SLC71A1: variants seen among roughly 807,000 people sequenced by gnomAD.
SLC71A1 encodes the protein hippocampus abundant gene transcript 1.
the SLC71A1 span, among the ~76,000 whole-genome samples, chr1:100,081,303 C>G: frequency 3.9e-5 from 6 of 152,150 alleles, no homozygotes; most frequent in African/African-American, 1.4e-4. Flanking sequence ...ATTATAATTA[C>G]CTTCTTGAAA....
the SLC71A1 span, chr1:100,038,147 C>G: frequency 1.8e-5 from 22 of 1,225,234 alleles, no homozygotes; most frequent in South Asian, 1.6e-4. Flanking sequence ...CGGCTCGGCC[C>G]GGCAGTAGTG....
At chr1:100,060,318 AG>A in the SLC71A1 span, among the ~76,000 whole-genome samples, 2 of 152,212 alleles carry the variant, frequency 1.3e-5, no homozygotes, top group Non-Finnish European at 2.9e-5. Flanking sequence ...TTTCTTGTAT[AG>A]AATGTTAAAA....
At chr1:100,080,710 A>C in the SLC71A1 span, 1 of 1,510,180 alleles carries the variant, frequency 6.6e-7, no homozygotes, top group Non-Finnish European at 9.0e-7. Flanking sequence ...GGCTAGATTA[A>C]AGGCTACTGG....
the SLC71A1 span, among the ~76,000 whole-genome samples, chr1:100,040,290 G>A: frequency 6.6e-6 from 1 of 150,662 alleles, no homozygotes; most frequent in African/African-American, 2.5e-5. Context: ...CGTAATCAGA[G>A]GATATATTTC....
At chr1:100,038,386 C>G in the SLC71A1 span, 1 of 1,271,822 alleles carries the variant, frequency 7.9e-7, no homozygotes, top group Non-Finnish European at 1.1e-6. Context: ...GACCCCCACA[C>G]TGCCGTCTCT....
At chr1:100,068,650 T>A in the SLC71A1 span, 1 of 952,184 alleles carries the variant, frequency 1.1e-6, no homozygotes, top group Non-Finnish European at 1.7e-6. Context: ...TAAAAATATT[T>A]AATCTTGAGA....
the SLC71A1 span, chr1:100,082,004 A>G: frequency 6.2e-7 from 1 of 1,610,466 alleles, no homozygotes; most frequent in Non-Finnish European, 8.5e-7. Flanking sequence ...CTTCCTCAGA[A>G]TTCCATCATC....
At chr1:100,071,423 G>T in the SLC71A1 span, among the ~76,000 whole-genome samples, 1 of 151,658 alleles carries the variant, frequency 6.6e-6, no homozygotes, top group Non-Finnish European at 1.5e-5. Flanking sequence ...GTGAGCCACA[G>T]TTGTCCCATG....
At chr1:100,061,395 T>A in the SLC71A1 span, among the ~76,000 whole-genome samples, 4 of 152,210 alleles carry the variant, frequency 2.6e-5, no homozygotes, top group Admixed American at 1.3e-4. Flanking sequence ...ATGGAAAACA[T>A]TTAGTTACTA....
chr1:100,076,398 T>C, the SLC71A1 span, among the ~76,000 whole-genome samples: 1 of 152,220 alleles, frequency 6.6e-6, no homozygotes, highest in African/African-American at 2.4e-5. Context: ...TGCTGAACTT[T>C]GTTGACTTTG....
At chr1:100,040,074 G>A in the SLC71A1 span, among the ~76,000 whole-genome samples, 26 of 152,210 alleles carry the variant, frequency 1.7e-4, no homozygotes, top group South Asian at 1.0e-3. Flanking sequence ...TGAACATGGG[G>A]GCTATTATCA....
chr1:100,044,818 A>G, the SLC71A1 span, among the ~76,000 whole-genome samples: 4 of 151,742 alleles, frequency 2.6e-5, no homozygotes, highest in Non-Finnish European at 5.9e-5. Context: ...GGCTATAAGT[A>G]TTTTGCTTTA....
At chr1:100,050,944 G>A in the SLC71A1 span, among the ~76,000 whole-genome samples, 1 of 151,996 alleles carries the variant, frequency 6.6e-6, no homozygotes, top group Admixed American at 6.6e-5. Context: ...AATTAGTTGT[G>A]CATGGTGGCA....
chr1:100,056,426 A>C, the SLC71A1 span, among the ~76,000 whole-genome samples: 1 of 152,270 alleles, frequency 6.6e-6, no homozygotes, highest in South Asian at 2.1e-4. Context: ...GTTGCTTCCA[A>C]ATCTTAGCTA....
chr1:100,056,760 C>T, the SLC71A1 span, among the ~76,000 whole-genome samples: 4 of 152,100 alleles, frequency 2.6e-5, no homozygotes, highest in South Asian at 2.1e-4. Context: ...TTTTGAGGAG[C>T]CTTCCAACTG....
At chr1:100,047,189 G>C in the SLC71A1 span, among the ~76,000 whole-genome samples, 1 of 152,152 alleles carries the variant, frequency 6.6e-6, no homozygotes, top group Non-Finnish European at 1.5e-5. Flanking sequence ...TGATAGCTCT[G>C]TGTCTGTCAT....
the SLC71A1 span, among the ~76,000 whole-genome samples, chr1:100,050,196 G>T: frequency 6.6e-6 from 1 of 151,998 alleles, no homozygotes; most frequent in African/African-American, 2.4e-5. Flanking sequence ...GGGGGGTGGC[G>T]TGGAGGTGTT....
the SLC71A1 span, among the ~76,000 whole-genome samples, chr1:100,077,811 A>C: frequency 6.6e-6 from 1 of 152,144 alleles, no homozygotes; most frequent in South Asian, 2.1e-4. Context: ...AGATAGTATT[A>C]TTGTGCTCAG....
chr1:100,054,606 T>C, the SLC71A1 span, among the ~76,000 whole-genome samples: 2 of 152,112 alleles, frequency 1.3e-5, no homozygotes, highest in African/African-American at 4.8e-5. Flanking sequence ...TACGGAACAC[T>C]CAAAATCCAC....
Sources: gnomAD v4.1 joint callset for allele counts (sites outside exome capture counted in the v4.1 genomes callset) on GRCh38, gnomAD v4.1.1 for gene constraint, MANE v1.5 for transcripts, NCBI Gene and HGNC (gene_info 2026-07-23, HGNC 2026-07-21) for gene names.